GALNTL6: variants seen among roughly 807,000 people sequenced by gnomAD.
GALNTL6 encodes the protein polypeptide N-acetylgalactosaminyltransferase like 6, also known as polypeptide N-acetylgalactosaminyltransferase-like 6.
A neutral mutation model predicts 73.7 loss-of-function variants in GALNTL6; 46 were observed. The observed-to-expected ratio is 0.62, with a 90% CI of 0.49 to 0.80. The LOEUF is 0.80. Ranked by LOEUF, GALNTL6 falls within the 30% of genes least tolerant of loss-of-function variation. The probability of loss-of-function intolerance (pLI) is 0.00; values close to 1 mark genes in which losing one functional copy is unlikely to be tolerated. For synonymous variants in GALNTL6, 259 were observed against 263.7 expected (o/e 0.98, Z 0.17); for missense variants, 604 against 755.0 (o/e 0.80, Z 2.34).
At chr4:172,679,284 G>T (rs1318191923) in intron 5 of GALNTL6, among the ~76,000 whole-genome samples, 11 of 151,902 alleles carry the variant, frequency 7.2e-5, no homozygotes, top group Admixed American at 7.2e-4. Context: ...GGTGGCAGGC[G>T]CCTGTAATCG....
chr4:172,519,700 G>T (rs1361096896), intron 5 of GALNTL6, among the ~76,000 whole-genome samples: 1 of 151,654 alleles, frequency 6.6e-6, no homozygotes, highest in African/African-American at 2.4e-5. Flanking sequence ...AGATTGAACT[G>T]AGTTGATTTG....
chr4:172,214,365 T>C (rs555102021), intron 2 of GALNTL6, among the ~76,000 whole-genome samples: 267 of 152,244 alleles, frequency 1.8e-3, no homozygotes, highest in African/African-American at 5.8e-3. Context: ...TTCCATAGTC[T>C]TCTCTATTTT....
chr4:172,282,666 C>CAA (rs202167171), intron 3 of GALNTL6, among the ~76,000 whole-genome samples: 60,693 of 122,998 alleles, frequency 0.49, 13,071 homozygotes, highest in African/African-American at 0.56. Flanking sequence ...TGAAATGGGG[C>CAA]AAAAAAAAAA....
chr4:172,394,280 A>T (rs1304505758), intron 5 of GALNTL6, among the ~76,000 whole-genome samples: 4 of 152,102 alleles, frequency 2.6e-5, no homozygotes, highest in Non-Finnish European at 5.9e-5. Flanking sequence ...AAAGTGAATT[A>T]TAACCATAAA....
intron 4 of GALNTL6, among the ~76,000 whole-genome samples, chr4:172,315,764 G>T (rs758481638): frequency 1.1e-4 from 17 of 151,680 alleles, no homozygotes; most frequent in Non-Finnish European, 2.4e-4. Context: ...CCAGTCAATG[G>T]ATATCTCGGT....
At chr4:172,843,169 T>G (rs1743309429) in intron 7 of GALNTL6, among the ~76,000 whole-genome samples, 1 of 152,120 alleles carries the variant, frequency 6.6e-6, no homozygotes, top group African/African-American at 2.4e-5. Context: ...ACTTTATTAC[T>G]TTTTTCCCTC....
At chr4:172,797,009 A>T (rs926620026) in intron 5 of GALNTL6, among the ~76,000 whole-genome samples, 1 of 152,192 alleles carries the variant, frequency 6.6e-6, no homozygotes, top group Non-Finnish European at 1.5e-5. Context: ...AATCACTAAC[A>T]CACATTATTT....
At chr4:172,946,878 C>G (rs1325339086) in intron 9 of GALNTL6, among the ~76,000 whole-genome samples, 2 of 152,138 alleles carry the variant, frequency 1.3e-5, no homozygotes, top group Non-Finnish European at 2.9e-5. Context: ...TATGGAAAAG[C>G]AGCCAACATG....
rs1452234191 is a variant in GALNTL6, at chr4:171,913,490, G to T, written c.138+98772G>T. ...TGTTTTGACACTTATGGCTAAAATG[G>T]TTACACAAGTAATAAATGCCACACT... On this transcript the variant is annotated intron_variant, in intron 2 of 12. Coordinates refer to ENST00000506823, the MANE Select transcript of GALNTL6 (RefSeq NM_001034845.3). Among the ~76,000 whole-genome samples, 3 of 152,256 alleles carry T rather than the reference G, an allele frequency of 2.0e-5. No individual in the cohort carries two copies. In the East Asian group the frequency reaches 5.8e-4, roughly 29 times the overall value.
chr4:172,500,641 A>G (rs1486265771), intron 5 of GALNTL6, among the ~76,000 whole-genome samples: 6 of 152,140 alleles, frequency 3.9e-5, no homozygotes, highest in Non-Finnish European at 8.8e-5. Context: ...AAAAAAAATC[A>G]AGCAAATCTA....
chr4:172,586,344 A>G (rs962707329), intron 5 of GALNTL6, among the ~76,000 whole-genome samples: 1 of 152,208 alleles, frequency 6.6e-6, no homozygotes, highest in Admixed American at 6.5e-5. Context: ...TGTAAAACCT[A>G]CAGAAGGGAT....
intron 5 of GALNTL6, among the ~76,000 whole-genome samples, chr4:172,519,198 T>C (rs892730674): frequency 9.3e-5 from 14 of 150,710 alleles, no homozygotes; most frequent in Admixed American, 6.0e-4. Flanking sequence ...AAATATATAT[T>C]ACTTTGTAAA....
At chr4:171,897,559 G>A (rs889110276) in intron 2 of GALNTL6, among the ~76,000 whole-genome samples, 18 of 152,028 alleles carry the variant, frequency 1.2e-4, no homozygotes, top group African/African-American at 4.3e-4. Flanking sequence ...GCTGTGGCTC[G>A]CGCCTGCAAT....
At chr4:172,733,371 G>C (rs957563059) in intron 5 of GALNTL6, among the ~76,000 whole-genome samples, 1 of 151,976 alleles carries the variant, frequency 6.6e-6, no homozygotes, top group Admixed American at 6.6e-5. Context: ...CTTGACTTTT[G>C]AGGATTTGAT....
chr4:172,542,017 C>T (rs1476121135), intron 5 of GALNTL6, among the ~76,000 whole-genome samples: 1 of 151,742 alleles, frequency 6.6e-6, no homozygotes. Flanking sequence ...CCCTGGGGTT[C>T]GTTGTCCCAG....
chr4:171,920,052 A>G (rs1489379492), intron 2 of GALNTL6, among the ~76,000 whole-genome samples: 1 of 152,330 alleles, frequency 6.6e-6, no homozygotes, highest in Middle Eastern at 3.4e-3. Context: ...TGTGGCACAT[A>G]TACGCCATGG....
chr4:172,166,665 A>G (rs901868144), intron 2 of GALNTL6, among the ~76,000 whole-genome samples: 61 of 152,302 alleles, frequency 4.0e-4, no homozygotes, highest in Non-Finnish European at 2.1e-4. Flanking sequence ...TGTGTCCTAC[A>G]AAGCAAGTAT....
chr4:172,974,054 T>C (rs28485277), intron 10 of GALNTL6, among the ~76,000 whole-genome samples: 26,163 of 152,174 alleles, frequency 0.17, 2,505 homozygotes, highest in African/African-American at 0.26. Flanking sequence ...AAAGACAAAG[T>C]ATACACATGC....
intron 2 of GALNTL6, among the ~76,000 whole-genome samples, chr4:172,226,416 A>G (rs1273526773): frequency 6.6e-6 from 1 of 152,050 alleles, no homozygotes; most frequent in East Asian, 1.9e-4. Context: ...TCTTTTTTAT[A>G]CATTGTTTTT....
Sources: gnomAD v4.1 joint callset for allele counts (sites outside exome capture counted in the v4.1 genomes callset) on GRCh38, gnomAD v4.1.1 for gene constraint, MANE v1.5 for transcripts, NCBI Gene and HGNC (gene_info 2026-07-23, HGNC 2026-07-21) for gene names.